The following PRELID2 variants were observed in gnomAD, a reference collection of about 807,000 sequenced individuals.
PRELID2 encodes PRELI domain-containing protein 2.
A neutral mutation model predicts 28.4 loss-of-function variants in PRELID2; 25 were observed. That is an observed-to-expected ratio of 0.88 (90% CI 0.64 to 1.23). The LOEUF is 1.23. Ranked by LOEUF, PRELID2 falls within the 50% of genes most tolerant of loss-of-function variation. PRELID2 has a pLI of 0.00. For synonymous variants in PRELID2, 76 were observed against 71.6 expected (o/e 1.06, Z -0.31); for missense variants, 201 against 214.4 (o/e 0.94, Z 0.39).
the PRELID2 span, among the ~76,000 whole-genome samples, chr5:145,445,213 C>G: frequency 6.6e-6 from 1 of 151,986 alleles, no homozygotes; most frequent in East Asian, 1.9e-4. Flanking sequence ...ATAGAGAACC[C>G]AGAAATGAAT....
chr5:145,565,949 GACC>G (rs1341739334), intron 1 of PRELID2, among the ~76,000 whole-genome samples: 1 of 152,208 alleles, frequency 6.6e-6, no homozygotes, highest in Non-Finnish European at 1.5e-5. Context: ...TAGATAGAAT[GACC>G]ACATGGACAC....
intron 4 of PRELID2, among the ~76,000 whole-genome samples, chr5:145,816,768 T>C (rs929443588): frequency 4.8e-4 from 73 of 152,298 alleles, no homozygotes; most frequent in Middle Eastern, 3.4e-3. Flanking sequence ...GTGGCAGTGG[T>C]GGCACAACTA....
the PRELID2 span, among the ~76,000 whole-genome samples, chr5:145,437,807 C>G: frequency 3.9e-5 from 6 of 152,074 alleles, no homozygotes; most frequent in African/African-American, 9.7e-5. Flanking sequence ...GGTGTGAGAA[C>G]TCATGCTGCT....
In PRELID2 at chr5:145,650,252, C is replaced by T. The variant is rs536595034; in HGVS notation, n.70+114679G>A. Among the ~76,000 whole-genome samples the T allele has an allele frequency of 3.9e-5, 6 of 152,048 alleles. No individual in the cohort carries two copies. The South Asian group carries it at 1.0e-3, about 26-fold the overall frequency. On this transcript the variant is annotated intron_variant and non_coding_transcript_variant, in intron 1 of 2. Coordinates refer to the PRELID2 transcript ENST00000510259. ...TAATGCTAAATTCAGCTTCTCAGTC[C>T]CTGAGCTACTACTTCTGAAATCAAC...
the PRELID2 span, among the ~76,000 whole-genome samples, chr5:145,425,416 A>G: frequency 3.3e-5 from 5 of 152,206 alleles, no homozygotes; most frequent in South Asian, 2.1e-4. Flanking sequence ...TATATACCCA[A>G]AGGAATATAA....
chr5:145,374,070 C>T, the PRELID2 span, among the ~76,000 whole-genome samples: 40 of 150,890 alleles, frequency 2.7e-4, no homozygotes, highest in Middle Eastern at 3.2e-3. Context: ...GCAGTTTCTT[C>T]ATAGTGTGAT....
At chr5:145,743,280 G>A (rs1260269603) in intron 1 of PRELID2, among the ~76,000 whole-genome samples, 1 of 151,794 alleles carries the variant, frequency 6.6e-6, no homozygotes, top group African/African-American at 2.4e-5. Flanking sequence ...CATGATGGCG[G>A]CATGCCTGTA....
chr5:145,421,992 C>T, the PRELID2 span, among the ~76,000 whole-genome samples: 1 of 150,836 alleles, frequency 6.6e-6, no homozygotes, highest in African/African-American at 2.4e-5. Flanking sequence ...CGTTATGTAC[C>T]CAGTAGTCAT....
intron 5 of PRELID2, among the ~76,000 whole-genome samples, chr5:145,765,625 T>C (rs1454085218): frequency 6.6e-6 from 1 of 152,134 alleles, no homozygotes; most frequent in Non-Finnish European, 1.5e-5. Context: ...CTGAGGAGCA[T>C]CCAACCCTCA....
At chr5:145,810,324 T>C (rs1753842239) in intron 4 of PRELID2, among the ~76,000 whole-genome samples, 1 of 152,222 alleles carries the variant, frequency 6.6e-6, no homozygotes. Flanking sequence ...AAGCAGTGCA[T>C]CAGAGGACCC....
At chr5:145,532,623 C>A (rs1752663933) in intron 1 of PRELID2, among the ~76,000 whole-genome samples, 2 of 152,056 alleles carry the variant, frequency 1.3e-5, no homozygotes, top group South Asian at 4.1e-4. Flanking sequence ...CATTCCCCAT[C>A]CTGCCCCCAG....
chr5:145,713,390 AATG>A (rs972075593), intron 1 of PRELID2, among the ~76,000 whole-genome samples: 27 of 143,714 alleles, frequency 1.9e-4, no homozygotes, highest in Admixed American at 1.3e-3. Context: ...ATATATATAT[AATG>A]ATATCTGACT....
the PRELID2 span, among the ~76,000 whole-genome samples, chr5:145,264,625 A>G: frequency 9.2e-5 from 14 of 152,082 alleles, no homozygotes; most frequent in African/African-American, 3.1e-4. Context: ...TCAACATAAT[A>G]CTGGAATTCC....
chr5:145,809,562 C>G (rs1474939590), intron 4 of PRELID2, among the ~76,000 whole-genome samples: 1 of 152,256 alleles, frequency 6.6e-6, no homozygotes, highest in Non-Finnish European at 1.5e-5. Flanking sequence ...GCTGGGATTA[C>G]AGGCATGAGC....
At chr5:145,642,025 T>C (rs1480194038) in intron 1 of PRELID2, among the ~76,000 whole-genome samples, 1 of 152,210 alleles carries the variant, frequency 6.6e-6, no homozygotes, top group Non-Finnish European at 1.5e-5. Flanking sequence ...TTTGGGTATA[T>C]ATTCAGAAAT....
intron 1 of PRELID2, among the ~76,000 whole-genome samples, chr5:145,709,055 G>A (rs1289241592): frequency 6.6e-6 from 1 of 152,204 alleles, no homozygotes; most frequent in Non-Finnish European, 1.5e-5. Flanking sequence ...GCATAAACAT[G>A]GCTGACAGCC....
At position 145,558,591 on chromosome 5, in the gene PRELID2, G is replaced by T. The variant is rs545729636; in HGVS notation, n.71-85276C>A. 2.0e-5 allele frequency among the ~76,000 whole-genome samples: 3 copies of T among 152,328 alleles called. No individual in the cohort carries two copies. In the South Asian group the frequency reaches 6.2e-4, roughly 32 times the overall value. On this transcript the variant is annotated intron_variant and non_coding_transcript_variant, in intron 1 of 2. Transcript: ENST00000510259. ...ATTGGCTTTAGAACTATGTCTGAGA[G>T]TCAAAAGCTTTAAGGCTTCCATTTT...
the PRELID2 span, among the ~76,000 whole-genome samples, chr5:145,247,404 G>T: frequency 6.6e-6 from 1 of 152,100 alleles, no homozygotes; most frequent in Non-Finnish European, 1.5e-5. Flanking sequence ...TGTCTAGGCA[G>T]CAGGCAAGGT....
At chr5:145,271,148 G>A in the PRELID2 span, among the ~76,000 whole-genome samples, 1 of 152,130 alleles carries the variant, frequency 6.6e-6, no homozygotes, top group African/African-American at 2.4e-5. Flanking sequence ...CCCTAGACAG[G>A]TGAAGATTAT....
Sources: allele counts gnomAD v4.1 joint callset (sites outside exome capture counted in the v4.1 genomes callset), GRCh38; gene constraint gnomAD v4.1.1; transcripts MANE v1.5; gene names NCBI Gene and HGNC (gene_info 2026-07-23, HGNC 2026-07-21).